Variants in SCARA5 observed in about 807,000 individuals in gnomAD.
SCARA5 encodes scavenger receptor class A, member 5 (putative).
SCARA5 carries 45 observed loss-of-function variants against 46.3 expected under a neutral mutation model. The ratio of observed to expected loss-of-function variants is 0.97; its 90% confidence interval spans 0.76 to 1.24. The LOEUF (loss-of-function observed/expected upper bound fraction) is 1.24. Among genes scored for constraint, SCARA5 ranks in the 50% most tolerant of loss-of-function variants. SCARA5 has a pLI of 0.00. For synonymous variants in SCARA5, 333 were observed against 306.5 expected, an observed-to-expected ratio of 1.09 and a Z score of -0.90; for missense variants, 680 against 689.0, an observed-to-expected ratio of 0.99 and a Z score of 0.15.
intron 7 of SCARA5, among the ~76,000 whole-genome samples, chr8:27,900,580 T>A (rs1585473822): frequency 6.6e-6 from 1 of 152,132 alleles, no homozygotes; most frequent in African/African-American, 2.4e-5. Context: ...ATCTGCATAT[T>A]TTTTTTCCAT....
At chr8:27,925,285 C>G (rs1563528328) in intron 3 of SCARA5, among the ~76,000 whole-genome samples, 1 of 152,206 alleles carries the variant, frequency 6.6e-6, no homozygotes, top group African/African-American at 2.4e-5. Flanking sequence ...GGTACCAAAA[C>G]AGAGATATAG....
chr8:27,901,690 A>G (rs995627973), intron 7 of SCARA5, among the ~76,000 whole-genome samples: 2 of 152,180 alleles, frequency 1.3e-5, no homozygotes, highest in African/African-American at 4.8e-5. Flanking sequence ...ACACCCCGCA[A>G]TGGGACAGGC....
chr8:27,891,539 C>T (rs28706105), intron 7 of SCARA5, among the ~76,000 whole-genome samples: 1 of 152,126 alleles, frequency 6.6e-6, no homozygotes, highest in South Asian at 2.1e-4. Flanking sequence ...AGATTCCGCT[C>T]CTAGGATGAT....
chr8:27,903,991 T>C (rs1282926204), intron 7 of SCARA5, among the ~76,000 whole-genome samples: 3 of 150,320 alleles, frequency 2.0e-5, no homozygotes, highest in Non-Finnish European at 4.4e-5. Context: ...GAGACTCTGT[T>C]CATTCTTCTC....
chr8:27,901,987 G>A (rs556328244), intron 7 of SCARA5, among the ~76,000 whole-genome samples: 7 of 152,240 alleles, frequency 4.6e-5, no homozygotes, highest in South Asian at 2.1e-4. Context: ...TTTGTTCTAC[G>A]ATTCCTCTGG....
At chr8:27,963,896 G>T (rs1278193325) in intron 3 of SCARA5, among the ~76,000 whole-genome samples, 1 of 152,092 alleles carries the variant, frequency 6.6e-6, no homozygotes, top group Non-Finnish European at 1.5e-5. Context: ...TATGAGATTT[G>T]CATTGACAAG....
At chr8:27,920,628 A>T (rs1258280478) in intron 4 of SCARA5, among the ~76,000 whole-genome samples, 6 of 146,374 alleles carry the variant, frequency 4.1e-5, no homozygotes, top group African/African-American at 1.3e-4. Context: ...AAAAAAAACC[A>T]AAACAAAACA....
intron 1 of SCARA5, among the ~76,000 whole-genome samples, chr8:27,988,259 T>C (rs1385637165): frequency 6.6e-6 from 1 of 152,146 alleles, no homozygotes; most frequent in Admixed American, 6.5e-5. Context: ...AGGGAGCCTC[T>C]GAAGGGACAC....
At position 27,930,948 on chromosome 8, in the gene SCARA5, C is replaced by T. The variant is rs967130068; in HGVS notation, c.242-8703G>A. Among the ~76,000 whole-genome samples, 5 of 152,070 alleles carry T rather than the reference C, an allele frequency of 3.3e-5. No homozygotes were observed. The South Asian group carries it at 6.2e-4, about 19-fold the overall frequency. On this transcript the variant is annotated intron_variant, in intron 3 of 8. Transcript: ENST00000354914. ...GGGCAGAGTGTCAGAAGGGATGGGA[C>T]GGAACGCCACTGCACAGCAAGCATA...
intron 3 of SCARA5, among the ~76,000 whole-genome samples, chr8:27,947,040 C>A (rs1372998631): frequency 6.8e-6 from 1 of 146,420 alleles, no homozygotes; most frequent in East Asian, 2.0e-4. Flanking sequence ...GAGAGGGAGT[C>A]TCGCTCTGTC....
At chr8:27,912,612 T>C (rs1317789174) in intron 4 of SCARA5, among the ~76,000 whole-genome samples, 2 of 152,240 alleles carry the variant, frequency 1.3e-5, no homozygotes, top group East Asian at 3.9e-4. Context: ...CAAAGGGAAC[T>C]GGGAGAGGGT....
rs757065594 is a variant in SCARA5 at position 27,879,581 on chromosome 8, G to T, written c.1339C>A (p.Arg447=). 1 of 1,607,920 alleles carries T rather than the reference G, an allele frequency of 6.2e-7. No individual in the cohort carries two copies. Among genetic ancestry groups the T allele is most frequent in the South Asian group, 1.1e-5 (1 of 91,076 alleles). The change falls in exon 8 of 9, where the codon CGA becomes AGA. Residue 447 remains arginine (R), a synonymous_variant. Transcript: ENST00000354914. ...CAGAGCGCCTTACCTTGCCCGAATC[G>T]AGCTGTGCGGTACACCTCCTCCACA... ...RGVEEVYRTA[R]FGQGTGRIWM...
intron 5 of SCARA5, 137 bp from the exon 6 acceptor site, chr8:27,907,383 C>G (rs1206448854): frequency 1.7e-6 from 1 of 572,714 alleles, no homozygotes; most frequent in Non-Finnish European, 3.1e-6. Context: ...TTCTGTTAAT[C>G]TAAAGATGCC....
At chr8:27,928,665 T>TTTTC (rs1183831930) in intron 3 of SCARA5, among the ~76,000 whole-genome samples, 1 of 152,156 alleles carries the variant, frequency 6.6e-6, no homozygotes, top group Non-Finnish European at 1.5e-5. Flanking sequence ...TTTTCTTTTT[T>TTTTC]TTTCTTTCTT....
intron 3 of SCARA5, among the ~76,000 whole-genome samples, chr8:27,949,000 CA>C (rs1279916445): frequency 1.3e-5 from 2 of 152,278 alleles, no homozygotes; most frequent in Non-Finnish European, 1.5e-5. Context: ...GTGGAGCCCA[CA>C]ATTGGCTTGG....
chr8:27,909,599 A>G (rs1267355172), intron 5 of SCARA5, 64 bp downstream of exon 5: 3 of 1,180,186 alleles, frequency 2.5e-6, no homozygotes, highest in African/African-American at 1.5e-5. Flanking sequence ...TACCATCAAG[A>G]AAGTAGCGGG....
chr8:27,908,077 G>C (rs2726988), intron 5 of SCARA5, among the ~76,000 whole-genome samples: 145,432 of 151,484 alleles, frequency 0.96, 70,115 homozygotes, highest in Middle Eastern at 1. Flanking sequence ...GAGCCCTGCT[G>C]TTGCTGAAAT....
At chr8:27,936,537 C>G (rs1445998045) in intron 3 of SCARA5, among the ~76,000 whole-genome samples, 1 of 141,532 alleles carries the variant, frequency 7.1e-6, no homozygotes, top group East Asian at 2.1e-4. Flanking sequence ...TGCAGTGAGC[C>G]GAGATCACAC....
intron 3 of SCARA5, among the ~76,000 whole-genome samples, chr8:27,961,421 C>T (rs1383060485): frequency 4.6e-5 from 7 of 152,208 alleles, no homozygotes; most frequent in Non-Finnish European, 1.0e-4. Flanking sequence ...TGAGGCCTTA[C>T]CAGAGACCAA....
Sources: gnomAD v4.1 joint callset for allele counts (sites outside exome capture counted in the v4.1 genomes callset) on GRCh38, gnomAD v4.1.1 for gene constraint, MANE v1.5 for transcripts, NCBI Gene and HGNC (gene_info 2026-07-23, HGNC 2026-07-21) for gene names.